The following FMNL2 variants were observed in gnomAD, a reference collection of about 807,000 sequenced individuals.
FMNL2 encodes formin like 2, also known as formin-like protein 2.
A neutral mutation model predicts 130.2 loss-of-function variants in FMNL2; 51 were observed. That is an observed-to-expected ratio of 0.39 (90% confidence interval 0.31 to 0.49). The LOEUF (loss-of-function observed/expected upper bound fraction) is 0.49, where lower values mean the gene tolerates loss of function less well. Among genes scored for constraint, FMNL2 ranks in the 20% least tolerant of loss-of-function variants. The probability of loss-of-function intolerance (pLI) is 0.85; values close to 1 mark genes in which losing one functional copy is unlikely to be tolerated. For missense variants in FMNL2, 977 were observed against 1,316.2 expected (o/e 0.74, Z 3.99); for synonymous variants, 465 against 467.1 (o/e 1.00, Z 0.06).
intron 25 of FMNL2, among the ~76,000 whole-genome samples, chr2:152,644,435 T>C (rs1683364519): frequency 6.6e-6 from 1 of 152,180 alleles, no homozygotes; most frequent in African/African-American, 2.4e-5. Flanking sequence ...TTCTTAACTC[T>C]CTTATACGTC....
intron 9 of FMNL2, among the ~76,000 whole-genome samples, chr2:152,601,291 CTTTTCTT>C (rs1328969406): frequency 3.7e-5 from 5 of 136,614 alleles, no homozygotes; most frequent in African/African-American, 1.1e-4. Context: ...TCTTTCTTTT[CTTTTCTT>C]TTTTCTTTTT....
intron 1 of FMNL2, among the ~76,000 whole-genome samples, chr2:152,356,488 A>T (rs1029580839): frequency 6.6e-6 from 1 of 152,156 alleles, no homozygotes; most frequent in African/African-American, 2.4e-5. Context: ...ATTACAGTTG[A>T]TCCTCATTAT....
intron 25 of FMNL2, among the ~76,000 whole-genome samples, chr2:152,646,439 A>T (rs1683572316): frequency 6.6e-6 from 1 of 152,294 alleles, no homozygotes; most frequent in East Asian, 1.9e-4. Flanking sequence ...CTGAACCTAG[A>T]GCACAGATCT....
At chr2:152,351,635 T>C (rs1468708542) in intron 1 of FMNL2, among the ~76,000 whole-genome samples, 1 of 152,234 alleles carries the variant, frequency 6.6e-6, no homozygotes, top group Non-Finnish European at 1.5e-5. Flanking sequence ...AAGTCTTTGC[T>C]ATTGTAAATA....
chr2:152,646,160 A>AT, intron 25 of FMNL2, among the ~76,000 whole-genome samples: 1 of 144,088 alleles, frequency 6.9e-6, no homozygotes, highest in Middle Eastern at 3.4e-3. Flanking sequence ...ATCTCTACAA[A>AT]AAAAAAAAAA....
At chr2:152,388,627 C>T (rs1302483847) in intron 1 of FMNL2, among the ~76,000 whole-genome samples, 2 of 152,104 alleles carry the variant, frequency 1.3e-5, no homozygotes, top group Non-Finnish European at 2.9e-5. Flanking sequence ...CATATTCTGC[C>T]TAAATTAGAA....
chr2:152,558,898 C>T, intron 5 of FMNL2, 75 bp downstream of exon 5: 2 of 1,312,588 alleles, frequency 1.5e-6, no homozygotes, highest in East Asian at 4.8e-5. Flanking sequence ...TAAAATTATA[C>T]ACCACAGAGA....
At chr2:152,484,057 A>C (rs1301949024) in intron 1 of FMNL2, among the ~76,000 whole-genome samples, 1 of 152,178 alleles carries the variant, frequency 6.6e-6, no homozygotes, top group Non-Finnish European at 1.5e-5. Context: ...GTGGTGTTGA[A>C]TCAAGCTATT....
At chr2:152,622,784 T>C (rs949080950) in intron 15 of FMNL2, among the ~76,000 whole-genome samples, 1 of 152,020 alleles carries the variant, frequency 6.6e-6, no homozygotes, top group Admixed American at 6.6e-5. Flanking sequence ...TGGATTCATA[T>C]GCCCTCTTCC....
chr2:152,645,046 TTATG>T (rs1478874495), intron 25 of FMNL2, among the ~76,000 whole-genome samples: 6 of 152,228 alleles, frequency 3.9e-5, no homozygotes, highest in East Asian at 1.9e-4. Context: ...TGAATTGCAC[TTATG>T]TATGTTCTTC....
chr2:152,608,636 A>C (rs1698519976), intron 10 of FMNL2, among the ~76,000 whole-genome samples: 1 of 151,586 alleles, frequency 6.6e-6, no homozygotes, highest in Non-Finnish European at 1.5e-5. Context: ...CTGACTTTTA[A>C]AATCTTGTTA....
At chr2:152,645,504 G>A (rs1343486100) in intron 25 of FMNL2, 1 of 1,289,982 alleles carries the variant, frequency 7.8e-7, no homozygotes, top group Non-Finnish European at 1.0e-6. Context: ...CTAGCACACC[G>A]GTGGTGGAGG....
intron 1 of FMNL2, among the ~76,000 whole-genome samples, chr2:152,431,333 A>C (rs1687480525): frequency 6.6e-6 from 1 of 152,202 alleles, no homozygotes; most frequent in South Asian, 2.1e-4. Flanking sequence ...AAATTGAGTT[A>C]ATCTGGGATT....
intron 1 of FMNL2, among the ~76,000 whole-genome samples, chr2:152,508,894 C>G (rs1692331113): frequency 6.6e-6 from 1 of 151,974 alleles, no homozygotes; most frequent in African/African-American, 2.4e-5. Flanking sequence ...TTTCCTTTTT[C>G]TTGCCCACAA....
intron 6 of FMNL2, among the ~76,000 whole-genome samples, chr2:152,563,319 G>A (rs1374187578): frequency 1.3e-5 from 2 of 152,302 alleles, no homozygotes; most frequent in African/African-American, 4.8e-5. Flanking sequence ...ATATTTTCAA[G>A]CTCAAGAACA....
chr2:152,529,351 G>A (rs17399648), intron 2 of FMNL2, among the ~76,000 whole-genome samples: 31,280 of 151,958 alleles, frequency 0.21, 3,698 homozygotes, highest in Middle Eastern at 0.29. Context: ...GTGGGACGAG[G>A]TTATTTTTCC....
rs138980176 is a variant in FMNL2, at chr2:152,374,460, CT to C, written c.117+38742del. On this transcript the variant is annotated intron_variant, in intron 1 of 25. Coordinates refer to ENST00000288670, the MANE Select transcript of FMNL2 (RefSeq NM_052905.4). Reference sequence around the variant, plus strand: ...CAACTCCAGACAAGTGACTGCTAATCTTGTGTCAGTTGTAAATATGTGTTTG... The same window carrying C: ...CAACTCCAGACAAGTGACTGCTAATCTGTGTCAGTTGTAAATATGTGTTTG... Among the ~76,000 whole-genome samples the C allele has an allele frequency of 9.7e-3, 1,475 of 152,208 alleles. 33 individuals carry two copies. Among genetic ancestry groups the C allele is most frequent in the African/African-American group, 0.033 (1,386 of 41,544 alleles).
At chr2:152,610,520 G>C (rs1338320101) in intron 10 of FMNL2, among the ~76,000 whole-genome samples, 1 of 152,128 alleles carries the variant, frequency 6.6e-6, no homozygotes, top group African/African-American at 2.4e-5. Flanking sequence ...AGTTTAGCCT[G>C]TTCAGGATGT....
intron 23 of FMNL2, among the ~76,000 whole-genome samples, chr2:152,638,390 T>C (rs1682799183): frequency 6.6e-6 from 1 of 152,204 alleles, no homozygotes; most frequent in Non-Finnish European, 1.5e-5. Context: ...GTAGCACTGA[T>C]AACACTGGTG....
Sources: allele counts gnomAD v4.1 joint callset (sites outside exome capture counted in the v4.1 genomes callset), GRCh38; gene constraint gnomAD v4.1.1; transcripts MANE v1.5; gene names NCBI Gene and HGNC (gene_info 2026-07-23, HGNC 2026-07-21).